CRY1: variants seen among roughly 807,000 people sequenced by gnomAD.
CRY1 encodes the protein cryptochrome circadian regulator 1.
In CRY1, 45 loss-of-function variants were observed where a neutral mutation model predicts 76.0. The observed-to-expected ratio is 0.59, with a 90% CI of 0.47 to 0.76. The LOEUF is 0.76. Among genes scored for constraint, CRY1 ranks in the 30% least tolerant of loss-of-function variants. The probability of loss-of-function intolerance (pLI) is 0.00; values close to 1 mark genes in which losing one functional copy is unlikely to be tolerated. For synonymous variants in CRY1, 248 were observed against 244.0 expected (o/e 1.02, Z -0.15); for missense variants, 587 against 716.4 (o/e 0.82, Z 2.06).
At chr12:107,019,940 A>C (rs1376070112) in intron 2 of CRY1, among the ~76,000 whole-genome samples, 1 of 152,154 alleles carries the variant, frequency 6.6e-6, no homozygotes, top group Non-Finnish European at 1.5e-5. Context: ...ACAAAAAAAA[A>C]GGCAACTCCA....
intron 1 of CRY1, among the ~76,000 whole-genome samples, chr12:107,034,429 CTCTG>C (rs1412559814): frequency 6.6e-6 from 1 of 152,122 alleles, no homozygotes; most frequent in Non-Finnish European, 1.5e-5. Flanking sequence ...CATGATGCTG[CTCTG>C]TCTATGGACT....
chr12:107,086,698 A>G (rs143725956), intron 1 of CRY1, among the ~76,000 whole-genome samples: 1,880 of 152,364 alleles, frequency 0.012, 31 homozygotes, highest in African/African-American at 0.043. Flanking sequence ...GCAGGTATAC[A>G]GAATACAAGA....
At chr12:107,008,945 G>A (rs1187964033) in intron 2 of CRY1, among the ~76,000 whole-genome samples, 2 of 152,198 alleles carry the variant, frequency 1.3e-5, no homozygotes, top group East Asian at 1.9e-4. Flanking sequence ...CCCCAGTCAC[G>A]TGAAACTGTG....
intron 2 of CRY1, among the ~76,000 whole-genome samples, chr12:107,014,565 CTCTT>C (rs1170203172): frequency 1.5e-5 from 2 of 134,332 alleles, no homozygotes; most frequent in Non-Finnish European, 3.3e-5. Context: ...ATTCCCGTTC[CTCTT>C]TATTTTTTGT....
intron 1 of CRY1, among the ~76,000 whole-genome samples, chr12:107,072,583 T>C (rs977821205): frequency 4.6e-5 from 7 of 152,236 alleles, no homozygotes; most frequent in Non-Finnish European, 1.0e-4. Context: ...AGGAAGTTAC[T>C]ATAAGGCTAA....
At chr12:107,090,955 G>A (rs746279347) in intron 1 of CRY1, among the ~76,000 whole-genome samples, 10 of 151,938 alleles carry the variant, frequency 6.6e-5, no homozygotes, top group Non-Finnish European at 1.3e-4. Flanking sequence ...AGTTTCTCAA[G>A]CCAAAAATTT....
intron 1 of CRY1, among the ~76,000 whole-genome samples, chr12:107,091,953 C>A (rs927624719): frequency 3.3e-5 from 5 of 152,204 alleles, no homozygotes; most frequent in Admixed American, 2.6e-4. Flanking sequence ...CTTTACTCTG[C>A]TCTATTTTTT....
chr12:107,013,406 T>C (rs970112314), intron 2 of CRY1, among the ~76,000 whole-genome samples: 3 of 152,236 alleles, frequency 2.0e-5, no homozygotes, highest in African/African-American at 7.2e-5. Context: ...GTATTTTTTT[T>C]AGTCATAATG....
chr12:107,078,710 T>C (rs1411327565), intron 1 of CRY1, among the ~76,000 whole-genome samples: 2 of 152,152 alleles, frequency 1.3e-5, no homozygotes, highest in African/African-American at 4.8e-5. Flanking sequence ...TTCAAATTGG[T>C]CAACAACCTA....
intron 1 of CRY1, 45 bp from the exon 2 acceptor site, chr12:107,022,237 T>C (rs1165446442): frequency 2.6e-6 from 3 of 1,158,498 alleles, no homozygotes; most frequent in Non-Finnish European, 2.4e-6. Context: ...AAATACATAT[T>C]TAGAAGACAT....
chr12:107,016,694 T>C (rs1488023393), intron 2 of CRY1, among the ~76,000 whole-genome samples: 1 of 152,218 alleles, frequency 6.6e-6, no homozygotes, highest in African/African-American at 2.4e-5. Flanking sequence ...CCCTGAGCAC[T>C]AGACTTGAAT....
At chr12:107,089,403 T>C (rs1953443016) in intron 1 of CRY1, among the ~76,000 whole-genome samples, 1 of 152,078 alleles carries the variant, frequency 6.6e-6, no homozygotes, top group Non-Finnish European at 1.5e-5. Flanking sequence ...AGCCCATTCA[T>C]AGCTCATTGC....
intron 1 of CRY1, among the ~76,000 whole-genome samples, chr12:107,085,818 TA>T (rs1310673392): frequency 6.6e-6 from 1 of 151,690 alleles, no homozygotes; most frequent in Non-Finnish European, 1.5e-5. Context: ...TCCCAGAACT[TA>T]AAGTATTAAA....
intron 1 of CRY1, among the ~76,000 whole-genome samples, chr12:107,075,087 C>T (rs144017418): frequency 0.017 from 2,582 of 151,942 alleles, 38 homozygotes; most frequent in Non-Finnish European, 0.03. Flanking sequence ...ACACAAATAA[C>T]CAAATGCCTT....
rs1455251612 is a variant in CRY1, at chr12:107,093,433, G to T, written c.-472C>A. The stretch of plus-strand genomic sequence containing the variant: ...AACCGGAGGGGAATGAGCCCCTGTC[G>T]GCGACGCTGTCTCTCGGCCCGGGAG... On this transcript the variant is annotated 5_prime_UTR_variant, in exon 1 of 13. Coordinates refer to ENST00000008527, the MANE Select transcript of CRY1 (RefSeq NM_004075.5). The T allele has an allele frequency of 6.5e-6, 1 of 154,156 alleles. No homozygotes were observed. Among genetic ancestry groups the T allele is most frequent in the Non-Finnish European group, 1.4e-5 (1 of 69,276 alleles). 9.5% of individuals were successfully genotyped at this position (154,156 alleles called of 1,614,324 possible).
intron 2 of CRY1, among the ~76,000 whole-genome samples, chr12:107,009,680 G>A (rs1290610301): frequency 4.0e-5 from 6 of 149,282 alleles, no homozygotes; most frequent in African/African-American, 1.5e-4. Flanking sequence ...AAGTCAACAT[G>A]GGAGGATGGC....
At chr12:107,057,044 T>C (rs554090040) in intron 1 of CRY1, among the ~76,000 whole-genome samples, 1 of 152,090 alleles carries the variant, frequency 6.6e-6, no homozygotes, top group Non-Finnish European at 1.5e-5. Context: ...TTGTCTAGTA[T>C]GTAAGAAATA....
At chr12:107,072,395 G>A (rs1476357774) in intron 1 of CRY1, among the ~76,000 whole-genome samples, 3 of 152,108 alleles carry the variant, frequency 2.0e-5, no homozygotes, top group Non-Finnish European at 4.4e-5. Flanking sequence ...TATTAACTAG[G>A]GGTTTGATGT....
chr12:107,077,518 A>G (rs1953271399), intron 1 of CRY1, among the ~76,000 whole-genome samples: 1 of 152,222 alleles, frequency 6.6e-6, no homozygotes, highest in Non-Finnish European at 1.5e-5. Flanking sequence ...GTACAGTCAG[A>G]TGTTCTAAAC....
Sources: allele counts gnomAD v4.1 joint callset (sites outside exome capture counted in the v4.1 genomes callset), GRCh38; gene constraint gnomAD v4.1.1; transcripts MANE v1.5; gene names NCBI Gene and HGNC (gene_info 2026-07-23, HGNC 2026-07-21).